Variants in SRD5A2 observed in about 807,000 individuals in gnomAD.
SRD5A2 encodes the protein steroid 5 alpha-reductase 2, also known as 3-oxo-5-alpha-steroid 4-dehydrogenase 2.
Under a neutral mutation model 27.4 loss-of-function variants are expected in SRD5A2, and 30 were observed. The ratio of observed to expected loss-of-function variants is 1.10; its 90% CI spans 0.82 to 1.49. The LOEUF (loss-of-function observed/expected upper bound fraction) is 1.49, where lower values mean the gene tolerates loss of function less well. Ranked by LOEUF, SRD5A2 falls within the 40% of genes most tolerant of loss-of-function variation. The probability of loss-of-function intolerance (pLI) is 0.00; values close to 1 mark genes in which losing one functional copy is unlikely to be tolerated. For missense variants in SRD5A2, 348 were observed against 323.4 expected (o/e 1.08, Z -0.58); for synonymous variants, 141 against 133.6 (o/e 1.06, Z -0.38).
chr2:31,604,680 TC>T, the SRD5A2 span, among the ~76,000 whole-genome samples: 1 of 151,870 alleles, frequency 6.6e-6, no homozygotes, highest in Admixed American at 6.6e-5. Flanking sequence ...GGAAAGATAT[TC>T]CATGTTCAGG....
chr2:31,561,165 T>G (rs1049604956), intron 1 of SRD5A2, among the ~76,000 whole-genome samples: 6 of 152,076 alleles, frequency 3.9e-5, no homozygotes, highest in Admixed American at 2.0e-4. Flanking sequence ...GCAATGAGAT[T>G]TGTAAAAGAG....
the SRD5A2 span, among the ~76,000 whole-genome samples, chr2:31,635,295 G>A: frequency 6.6e-5 from 10 of 152,104 alleles, no homozygotes; most frequent in African/African-American, 2.4e-4. Flanking sequence ...TTTCTCTGAT[G>A]ATAGGTGATG....
At chr2:31,631,588 G>A in the SRD5A2 span, among the ~76,000 whole-genome samples, 1 of 152,040 alleles carries the variant, frequency 6.6e-6, no homozygotes, top group African/African-American at 2.4e-5. Flanking sequence ...AATTAAAATA[G>A]ACCTAGGTAA....
At chr2:31,621,250 T>G in the SRD5A2 span, among the ~76,000 whole-genome samples, 1 of 152,112 alleles carries the variant, frequency 6.6e-6, no homozygotes, top group Admixed American at 6.6e-5. Context: ...ATAGTCACAC[T>G]CACTTTACTC....
Position 31,533,614 on chromosome 2 carries a change from C to T in SRD5A2, c.434G>A (p.Arg145Gln), listed in dbSNP as rs745955438. 4 of 1,551,792 alleles carry T rather than the reference C, an allele frequency of 2.6e-6. No homozygotes were observed. Among genetic ancestry groups the T allele is most frequent in the Admixed American group, 3.9e-5 (2 of 50,988 alleles). The change falls in exon 2 of 5, where the codon CGG becomes CAG. Residue 145 changes from arginine to glutamine, a missense_variant. Arg to Gln is a conservative substitution (Grantham distance 43). Transcript: ENST00000622030. Reference sequence around the variant, plus strand: ...GCAGATTCACTTACCCAAGCTAAACCGTATGTCTGTGTACCACCCATCAGG... The same window carrying T: ...GCAGATTCACTTACCCAAGCTAAACTGTATGTCTGTGTACCACCCATCAGG... ...EYPDGWYTDI[R>Q]FSLGVFLFIL...
chr2:31,628,302 C>G, the SRD5A2 span, among the ~76,000 whole-genome samples: 1 of 151,990 alleles, frequency 6.6e-6, no homozygotes, highest in Non-Finnish European at 1.5e-5. Context: ...CCCTGCTTTT[C>G]TCTGTTTTCC....
At chr2:31,551,857 A>C (rs1369203708) in intron 1 of SRD5A2, among the ~76,000 whole-genome samples, 1 of 152,150 alleles carries the variant, frequency 6.6e-6, no homozygotes, top group Non-Finnish European at 1.5e-5. Flanking sequence ...ATAGATTGAC[A>C]AAACAGAATA....
the SRD5A2 span, among the ~76,000 whole-genome samples, chr2:31,622,563 C>T: frequency 6.6e-6 from 1 of 152,072 alleles, no homozygotes; most frequent in African/African-American, 2.4e-5. Flanking sequence ...CGGGCATCGT[C>T]GTGGAGAAGA....
intron 1 of SRD5A2, among the ~76,000 whole-genome samples, chr2:31,539,183 G>A (rs973409014): frequency 6.6e-6 from 1 of 152,162 alleles, no homozygotes; most frequent in Non-Finnish European, 1.5e-5. Flanking sequence ...AGGCATATGG[G>A]CTAGAAACCT....
chr2:31,631,462 G>A, the SRD5A2 span, among the ~76,000 whole-genome samples: 2 of 146,742 alleles, frequency 1.4e-5, no homozygotes, highest in African/African-American at 2.4e-5. Context: ...GGCATCCCCT[G>A]TTTTTTTTCA....
chr2:31,597,971 G>T, the SRD5A2 span, among the ~76,000 whole-genome samples: 4 of 151,962 alleles, frequency 2.6e-5, no homozygotes, highest in Admixed American at 6.6e-5. Flanking sequence ...CAGAGGAAAA[G>T]AAATTATTAT....
the SRD5A2 span, among the ~76,000 whole-genome samples, chr2:31,619,098 G>T: frequency 6.6e-6 from 1 of 152,030 alleles, no homozygotes; most frequent in Non-Finnish European, 1.5e-5. Flanking sequence ...AATGCAAATC[G>T]AAATCACATT....
In SRD5A2 at chr2:31,567,063, T is replaced by G. The variant is rs75185160; in HGVS notation, c.281+13557A>C. ...GATATAGTCCATGCAACTAATATTT[T>G]TGAAATATATATGGTAATTTAATCA... On this transcript the variant is annotated intron_variant, in intron 1 of 4. Coordinates refer to ENST00000622030, the MANE Select transcript of SRD5A2 (RefSeq NM_000348.4). Among the ~76,000 whole-genome samples the G allele has an allele frequency of 2.4e-3, 370 of 152,306 alleles. 2 individuals are homozygous for G. The highest frequency in any genetic ancestry group is 8.6e-3 in the African/African-American group (358 of 41,584).
the SRD5A2 span, among the ~76,000 whole-genome samples, chr2:31,660,825 A>G: frequency 6.6e-6 from 1 of 152,150 alleles, no homozygotes; most frequent in Non-Finnish European, 1.5e-5. Flanking sequence ...ACATAAACAA[A>G]ATAGAGTCCC....
chr2:31,633,664 C>T, the SRD5A2 span, among the ~76,000 whole-genome samples: 1 of 152,130 alleles, frequency 6.6e-6, no homozygotes, highest in Non-Finnish European at 1.5e-5. Flanking sequence ...CCCTACTATG[C>T]CCCAATTCAG....
the SRD5A2 span, among the ~76,000 whole-genome samples, chr2:31,642,761 C>A: frequency 6.6e-6 from 1 of 151,788 alleles, no homozygotes; most frequent in African/African-American, 2.4e-5. Flanking sequence ...TATAAACAAC[C>A]CAAATGTCCA....
rs182716994 is a variant in SRD5A2 at position 31,547,936 on chromosome 2, T to C, written c.282-14170A>G. Reference sequence around the variant, plus strand: ...ATAGATATAGATATATATCTCCTATTAATTCTGTCTCTCTGAAGAACCCTG... The same window carrying C: ...ATAGATATAGATATATATCTCCTATCAATTCTGTCTCTCTGAAGAACCCTG... On this transcript the variant is annotated intron_variant, in intron 1 of 4. Coordinates refer to ENST00000622030, the MANE Select transcript of SRD5A2 (RefSeq NM_000348.4). Among the ~76,000 whole-genome samples, 3 of 152,322 alleles carry C rather than the reference T, an allele frequency of 2.0e-5. No homozygotes were observed. The East Asian group carries it at 5.8e-4, about 29-fold the overall frequency.
the SRD5A2 span, among the ~76,000 whole-genome samples, chr2:31,624,609 T>C: frequency 2.0e-5 from 3 of 152,252 alleles, no homozygotes; most frequent in African/African-American, 7.2e-5. Context: ...CATGCGGTGT[T>C]TGGTTTTCTG....
At chr2:31,612,802 T>C in the SRD5A2 span, among the ~76,000 whole-genome samples, 2 of 152,104 alleles carry the variant, frequency 1.3e-5, no homozygotes, top group African/African-American at 2.4e-5. Flanking sequence ...CAGCATGCTA[T>C]TGGAATTTAA....
Sources: gnomAD v4.1 joint callset for allele counts (sites outside exome capture counted in the v4.1 genomes callset) on GRCh38, gnomAD v4.1.1 for gene constraint, MANE v1.5 for transcripts, NCBI Gene and HGNC (gene_info 2026-07-23, HGNC 2026-07-21) for gene names.